The following BIN2 variants were observed in gnomAD, a reference collection of about 807,000 sequenced individuals.
BIN2 encodes bridging integrator 2, also known as breast cancer associated protein BRAP1.
A neutral mutation model predicts 67.9 loss-of-function variants in BIN2; 43 were observed. The ratio of observed to expected loss-of-function variants is 0.63; its 90% CI spans 0.50 to 0.82. The LOEUF (loss-of-function observed/expected upper bound fraction) is 0.82, where lower values mean the gene tolerates loss of function less well. BIN2 is among the 40% of genes least tolerant of loss of function. The pLI is 0.00. For synonymous variants in BIN2, 244 were observed against 246.8 expected (o/e 0.99, Z 0.11); for missense variants, 581 against 671.6 (o/e 0.87, Z 1.49).
At chr12:51,295,020 ACTC>A (rs999436389) in intron 9 of BIN2, among the ~76,000 whole-genome samples, 21 of 152,100 alleles carry the variant, frequency 1.4e-4, no homozygotes, top group African/African-American at 4.8e-4. Flanking sequence ...GCACCCTCAA[ACTC>A]CTGCACTCAA....
chr12:51,302,616 A>G, intron 4 of BIN2, 70 bp downstream of exon 4: 4 of 1,293,272 alleles, frequency 3.1e-6, no homozygotes, highest in Non-Finnish European at 4.5e-6. Context: ...TTGGATAGAG[A>G]AGCTAAGCTG....
chr12:51,312,067 C>T (rs1304469736), intron 2 of BIN2, among the ~76,000 whole-genome samples: 7 of 152,056 alleles, frequency 4.6e-5, no homozygotes, highest in African/African-American at 1.2e-4. Context: ...CCACTGCACC[C>T]GGCCTGATAA....
Position 51,299,213 on chromosome 12 carries a change from G to T in BIN2, c.592C>A (p.Leu198Ile), listed in dbSNP as rs200936405. 5 of 1,611,020 alleles carry T rather than the reference G, an allele frequency of 3.1e-6. No individual in the cohort carries two copies. Among genetic ancestry groups the T allele is most frequent in the Non-Finnish European group, 4.2e-6 (5 of 1,177,418 alleles). The change falls in exon 7 of 13, where the codon CTT becomes ATT. Residue 198 changes from leucine to isoleucine, a missense_variant. Coordinates refer to ENST00000615107, the MANE Select transcript of BIN2 (RefSeq NM_016293.4). ...AATTTCAGTCATTACCTATTATAAAGAATAGGCAGCTCCTCTAGTAGTTCT... is the reference window on the plus strand; with the variant it reads ...AATTTCAGTCATTACCTATTATAAATAATAGGCAGCTCCTCTAGTAGTTCT... ...NQELLEELPI[L>I]YNSRIGCYVT...
chr12:51,307,573 G>A (rs1412070524), intron 2 of BIN2, among the ~76,000 whole-genome samples: 3 of 151,732 alleles, frequency 2.0e-5, no homozygotes, highest in African/African-American at 4.8e-5. Context: ...GCTGGGTGTG[G>A]TAGTATACGC....
chr12:51,307,239 C>T lies in BIN2; in HGVS notation c.163-4098G>A, dbSNP rs369535255. On this transcript the variant is annotated intron_variant, in intron 2 of 12. Transcript: ENST00000615107. Reference sequence around the variant, plus strand: ...TGGAGGTTACAGTGAGCTGAGATCGCGACACCGTACTCTAGCCTGGGCGAC... The same window carrying T: ...TGGAGGTTACAGTGAGCTGAGATCGTGACACCGTACTCTAGCCTGGGCGAC... Among the ~76,000 whole-genome samples, 12 of 143,606 alleles carry T rather than the reference C, an allele frequency of 8.4e-5. No individual in the cohort carries two copies. The South Asian group carries it at 1.5e-3, about 18-fold the overall frequency. 94.2% of individuals were successfully genotyped at this position (143,606 alleles called of 152,430 possible).
chr12:51,289,637 G>C (rs1165217433), intron 10 of BIN2, among the ~76,000 whole-genome samples: 1 of 152,010 alleles, frequency 6.6e-6, no homozygotes, highest in Non-Finnish European at 1.5e-5. Flanking sequence ...AGAAAAAAAA[G>C]AGTATGACTT....
chr12:51,281,787 CT>C (rs1481656620), intron 12 of BIN2, among the ~76,000 whole-genome samples: 8 of 151,996 alleles, frequency 5.3e-5, no homozygotes, highest in Non-Finnish European at 1.0e-4. Context: ...CATAGTCTTG[CT>C]CTGTCTCCCA....
chr12:51,285,117 G>A (rs1008892283), intron 11 of BIN2, among the ~76,000 whole-genome samples: 1 of 152,080 alleles, frequency 6.6e-6, no homozygotes, highest in African/African-American at 2.4e-5. Context: ...GGGAGTGCGA[G>A]GTCTTAAAAT....
At chr12:51,288,085 T>C (rs756243076) in intron 11 of BIN2, 23 bp downstream of exon 11, 1 of 1,533,200 alleles carries the variant, frequency 6.5e-7, no homozygotes, top group Middle Eastern at 1.8e-4. Flanking sequence ...CATCATCATG[T>C]AGATGACTTA....
At chr12:51,287,981 G>A (rs1945282857) in intron 11 of BIN2, 127 bp downstream of exon 11, 3 of 662,466 alleles carry the variant, frequency 4.5e-6, no homozygotes, top group Non-Finnish European at 7.7e-6. Flanking sequence ...CTCTGTTAGG[G>A]CCCTCAGTGC....
intron 1 of BIN2, among the ~76,000 whole-genome samples, chr12:51,319,955 C>CTCTCTCCTTCCTTCCTTCCT (rs140671810): frequency 6.6e-6 from 1 of 150,966 alleles, no homozygotes; most frequent in African/African-American, 2.4e-5. Flanking sequence ...GGAAATCTTT[C>CTCTCTCCTTCCTTCCTTCCT]TCTTTCCTTC....
Position 51,304,875 on chromosome 12 carries a change from G to A in BIN2, c.163-1734C>T, listed in dbSNP as rs184342244. Among the ~76,000 whole-genome samples, 3 of 152,064 alleles carry A rather than the reference G, an allele frequency of 2.0e-5. No individual in the cohort carries two copies. In the East Asian group the frequency reaches 5.8e-4, roughly 29 times the overall value. ...ACTAAAAATACAAAAAAATTAGCTG[G>A]GTGTGGTGGCGGGCACCTGTAGTCC... is the stretch of plus-strand genomic sequence containing the variant. On this transcript the variant is annotated intron_variant, in intron 2 of 12. Coordinates refer to ENST00000615107, the MANE Select transcript of BIN2 (RefSeq NM_016293.4).
chr12:51,287,491 C>T (rs1945267473), intron 11 of BIN2, among the ~76,000 whole-genome samples: 1 of 151,876 alleles, frequency 6.6e-6, no homozygotes, highest in Admixed American at 6.6e-5. Flanking sequence ...TGCCACCATG[C>T]CCGGCTAATT....
At chr12:51,304,743 G>A (rs1180856780) in intron 2 of BIN2, among the ~76,000 whole-genome samples, 6 of 152,168 alleles carry the variant, frequency 3.9e-5, no homozygotes, top group African/African-American at 9.6e-5. Flanking sequence ...CTGGCCAGGC[G>A]CAGTGGCTCA....
chr12:51,290,666 G>T (rs1362503042), intron 10 of BIN2, among the ~76,000 whole-genome samples: 1 of 151,838 alleles, frequency 6.6e-6, no homozygotes, highest in Non-Finnish European at 1.5e-5. Flanking sequence ...GGGCGAGGTG[G>T]CTCACCCCTG....
At position 51,282,290 on chromosome 12, in the gene BIN2, T is replaced by C. The variant is rs568636083; in HGVS notation, c.1669-762A>G. On this transcript the variant is annotated intron_variant, in intron 12 of 12. Transcript: ENST00000615107. ...ACATATATATATGCAGTTCACATGC[T>C]GCATAATGACATTTTGATCAACAAT... is the stretch of plus-strand genomic sequence containing the variant. Among the ~76,000 whole-genome samples, 5 of 152,162 alleles carry C rather than the reference T, an allele frequency of 3.3e-5. No individual in the cohort carries two copies. The East Asian group carries it at 7.7e-4, about 23-fold the overall frequency.
chr12:51,293,239 T>C (rs1367651282), intron 9 of BIN2, among the ~76,000 whole-genome samples: 1 of 151,982 alleles, frequency 6.6e-6, no homozygotes, highest in East Asian at 1.9e-4. Context: ...CTGGATGCCA[T>C]GCTTATCCTT....
Position 51,292,043 on chromosome 12 carries a change from C to T in BIN2, c.1063G>A (p.Ala355Thr). Residue 355 changes from alanine to threonine, a missense_variant, in exon 10 of 13, where the codon GCC (alanine) becomes ACC (threonine). By Grantham distance (58) the Ala-to-Thr change is moderately conservative. Transcript: ENST00000615107. ...GGGAGAACTTCCTCCTGGGACTTGG[C>T]CCTTTCAGTGGTAGGAGAGGGCTGG... Reference protein sequence around the residue: ...QAQPSPTTERAKSQEEVLPSS... With the variant: ...QAQPSPTTERTKSQEEVLPSS... 1 of 1,614,126 alleles carries T rather than the reference C, an allele frequency of 6.2e-7. No homozygotes were observed. The highest frequency in any genetic ancestry group is 1.1e-5 in the South Asian group (1 of 91,084).
At chr12:51,320,954 A>ACACACACACACACACACACAC (rs1555173090) in intron 1 of BIN2, among the ~76,000 whole-genome samples, 1 of 147,240 alleles carries the variant, frequency 6.8e-6, no homozygotes, top group Non-Finnish European at 1.5e-5. Flanking sequence ...CACACACACA[A>ACACACACACACACACACACAC]ACACACACAC....
Sources: gnomAD v4.1 joint callset for allele counts (sites outside exome capture counted in the v4.1 genomes callset) on GRCh38, gnomAD v4.1.1 for gene constraint, MANE v1.5 for transcripts, NCBI Gene and HGNC (gene_info 2026-07-23, HGNC 2026-07-21) for gene names.